The following MAP2 variants were observed in gnomAD, a reference collection of about 807,000 sequenced individuals.
MAP2 encodes the protein microtubule-associated protein 2.
In MAP2, 14 loss-of-function variants were observed where a neutral mutation model predicts 137.6. That is an observed-to-expected ratio of 0.10 (90% CI 0.07 to 0.16). The LOEUF is 0.16. MAP2 is among the 10% of genes least tolerant of loss of function. The probability of loss-of-function intolerance (pLI) is 1.00; values close to 1 mark genes in which losing one functional copy is unlikely to be tolerated. For missense variants in MAP2, 2,088 were observed against 2,191.5 expected (o/e 0.95, Z 0.94); for synonymous variants, 786 against 782.3 (o/e 1.00, Z -0.08).
chr2:209,704,902 A>C (rs910506230), intron 11 of MAP2, among the ~76,000 whole-genome samples: 4 of 150,804 alleles, frequency 2.7e-5, no homozygotes, highest in Non-Finnish European at 5.9e-5. Context: ...CTAACAAAAC[A>C]AAATATATTC....
At position 209,709,958 on chromosome 2, in the gene MAP2, C is replaced by T; in HGVS notation, c.4777C>T (p.Pro1593Ser). ...RRAGKSGTST[P>S]TTPGSTAITP... is the part of the protein sequence containing the mutation. Reference sequence around the variant, plus strand: ...AGCAGGGAAGAGTGGTACCTCAACACCCACTACCCCTGGGTCTACTGCCAT... The same window carrying T: ...AGCAGGGAAGAGTGGTACCTCAACATCCACTACCCCTGGGTCTACTGCCAT... The change falls in exon 13 of 16, where the codon CCC becomes TCC. Residue 1593 changes from proline to serine, a missense_variant. Pro to Ser is a moderately conservative substitution (Grantham distance 74). Coordinates refer to ENST00000682079, the MANE Select transcript of MAP2 (RefSeq NM_001375505.1). 1.2e-6 allele frequency: 2 copies of T among 1,613,940 alleles called. No individual in the cohort carries two copies. The highest frequency in any genetic ancestry group is 1.7e-6 in the Non-Finnish European group (2 of 1,179,958).
chr2:209,495,719 A>G (rs916083126), intron 1 of MAP2, among the ~76,000 whole-genome samples: 8 of 152,250 alleles, frequency 5.3e-5, no homozygotes, highest in Non-Finnish European at 7.3e-5. Flanking sequence ...GATTAAATCA[A>G]TAATGCATCT....
At chr2:209,664,287 C>T (rs941901196) in intron 5 of MAP2, among the ~76,000 whole-genome samples, 6 of 152,040 alleles carry the variant, frequency 3.9e-5, no homozygotes, top group African/African-American at 9.6e-5. Context: ...TGGTGGCTTG[C>T]GCCTGTAATC....
chr2:209,583,367 C>T (rs763911447), intron 3 of MAP2, among the ~76,000 whole-genome samples: 76 of 151,988 alleles, frequency 5.0e-4, no homozygotes, highest in Non-Finnish European at 7.5e-4. Context: ...AAAGCATTTT[C>T]CATGTAATTA....
Position 209,693,687 on chromosome 2 carries a change from C to T in MAP2, c.1517C>T (p.Ala506Val). 1 of 1,613,576 alleles carries T rather than the reference C, an allele frequency of 6.2e-7. No individual in the cohort carries two copies. Among genetic ancestry groups the T allele is most frequent in the Middle Eastern group, 1.7e-4 (1 of 6,058 alleles). ...QDSFPVSLEQ[A>V]VTDSAMTSKT... is the part of the protein sequence containing the mutation. ...TCGTTCCCTGTAAGTTTGGAGCAAGCAGTTACAGATTCAGCCATGACCTCT... is the reference window on the plus strand; with the variant it reads ...TCGTTCCCTGTAAGTTTGGAGCAAGTAGTTACAGATTCAGCCATGACCTCT... The change falls in exon 8 of 16, where the codon GCA becomes GTA. Residue 506 changes from alanine to valine, a missense_variant. Coordinates refer to ENST00000682079, the MANE Select transcript of MAP2 (RefSeq NM_001375505.1).
chr2:209,637,674 C>T (rs1345992221), intron 4 of MAP2, among the ~76,000 whole-genome samples: 2 of 152,010 alleles, frequency 1.3e-5, no homozygotes, highest in Non-Finnish European at 2.9e-5. Flanking sequence ...TCCTCACTTA[C>T]TACAGTGATT....
chr2:209,637,471 G>A (rs2093661823), intron 4 of MAP2, among the ~76,000 whole-genome samples: 1 of 151,908 alleles, frequency 6.6e-6, no homozygotes, highest in South Asian at 2.1e-4. Flanking sequence ...AAGGTGAGAG[G>A]AGATAAGGTA....
intron 2 of MAP2, among the ~76,000 whole-genome samples, chr2:209,564,288 C>T (rs1296226807): frequency 6.6e-6 from 1 of 151,970 alleles, no homozygotes; most frequent in East Asian, 1.9e-4. Context: ...ATAGATTGAC[C>T]CCTGTACCTC....
intron 12 of MAP2, 67 bp downstream of exon 12, chr2:209,705,794 A>G: frequency 1.6e-6 from 2 of 1,251,006 alleles, no homozygotes; most frequent in East Asian, 2.4e-5. Flanking sequence ...AATAGCACTT[A>G]TATTTATATT....
intron 4 of MAP2, among the ~76,000 whole-genome samples, chr2:209,637,404 C>G (rs1421959658): frequency 2.0e-5 from 3 of 152,032 alleles, no homozygotes; most frequent in African/African-American, 7.2e-5. Context: ...GTTCACATCA[C>G]TGCACTCCAG....
intron 4 of MAP2, among the ~76,000 whole-genome samples, chr2:209,640,278 A>G (rs2093914383): frequency 6.6e-6 from 1 of 152,118 alleles, no homozygotes. Flanking sequence ...TGAGGGCTAT[A>G]TATTTTTTTC....
chr2:209,693,682 G>C lies in MAP2; in HGVS notation c.1512G>C (p.Glu504Asp). The C allele has an allele frequency of 6.2e-7, 1 of 1,613,672 alleles. No individual in the cohort carries two copies. Among genetic ancestry groups the C allele is most frequent in the Non-Finnish European group, 8.5e-7 (1 of 1,179,944 alleles). The change falls in exon 8 of 16, where the codon GAG becomes GAC. Residue 504 changes from glutamate (E) to aspartate (D), a missense_variant. By Grantham distance (45) the Glu-to-Asp change is conservative. Transcript: ENST00000682079. The stretch of plus-strand genomic sequence containing the variant: ...AGGACTCGTTCCCTGTAAGTTTGGA[G>C]CAAGCAGTTACAGATTCAGCCATGA... ...LKQDSFPVSL[E>D]QAVTDSAMTS... is the part of the protein sequence containing the mutation.
At chr2:209,657,540 AT>A (rs569809502) in intron 5 of MAP2, among the ~76,000 whole-genome samples, 6 of 151,116 alleles carry the variant, frequency 4.0e-5, no homozygotes, top group East Asian at 2.0e-4. Context: ...GATGTTGAGC[AT>A]TTTTTTTCAT....
intron 5 of MAP2, among the ~76,000 whole-genome samples, chr2:209,660,669 A>T (rs1278640628): frequency 3.4e-5 from 5 of 147,964 alleles, no homozygotes; most frequent in Admixed American, 3.4e-4. Context: ...TGCTGAGATT[A>T]CAGGCGTGAG....
At chr2:209,665,301 A>G (rs2045816037) in intron 5 of MAP2, among the ~76,000 whole-genome samples, 1 of 152,218 alleles carries the variant, frequency 6.6e-6, no homozygotes, top group African/African-American at 2.4e-5. Flanking sequence ...TGAACTTTCT[A>G]AAAGATAATC....
At chr2:209,580,910 T>TA (rs1559347863) in intron 3 of MAP2, among the ~76,000 whole-genome samples, 1 of 152,210 alleles carries the variant, frequency 6.6e-6, no homozygotes, top group South Asian at 2.1e-4. Flanking sequence ...AATTTGCCTT[T>TA]AAAAAATGGA....
chr2:209,669,215 GT>G (rs1559519354), intron 5 of MAP2, among the ~76,000 whole-genome samples: 1 of 152,072 alleles, frequency 6.6e-6, no homozygotes, highest in African/African-American at 2.4e-5. Flanking sequence ...TCTTAGAAAC[GT>G]TATAGGACGG....
At chr2:209,581,258 A>T (rs1163179365) in intron 3 of MAP2, among the ~76,000 whole-genome samples, 4 of 152,050 alleles carry the variant, frequency 2.6e-5, no homozygotes, top group Admixed American at 2.6e-4. Flanking sequence ...AATTATTGTG[A>T]GAGAGAGAGG....
chr2:209,634,472 A>T (rs1238859311), intron 4 of MAP2, among the ~76,000 whole-genome samples: 3 of 151,934 alleles, frequency 2.0e-5, no homozygotes, highest in Non-Finnish European at 4.4e-5. Context: ...CATTTTCTTC[A>T]TCCAGCGAGT....
Sources: allele counts gnomAD v4.1 joint callset (sites outside exome capture counted in the v4.1 genomes callset), GRCh38; gene constraint gnomAD v4.1.1; transcripts MANE v1.5; gene names NCBI Gene and HGNC (gene_info 2026-07-23, HGNC 2026-07-21).